Variants in ADAP2 observed in about 807,000 individuals in gnomAD.
ADAP2 encodes arf-GAP with dual PH domain-containing protein 2.
Under a neutral mutation model 54.9 loss-of-function variants are expected in ADAP2, and 42 were observed. That is an observed-to-expected ratio of 0.77 (90% CI 0.60 to 0.99). The LOEUF is 0.99. Ranked by LOEUF, ADAP2 falls within the 50% of genes least tolerant of loss-of-function variation. The pLI, the probability that ADAP2 is intolerant of heterozygous loss-of-function variation, is 0.00. For missense variants in ADAP2, 429 were observed against 480.4 expected (o/e 0.89, Z 1.00); for synonymous variants, 177 against 180.1 (o/e 0.98, Z 0.14).
At position 30,956,470 on chromosome 17, in the gene ADAP2, G is replaced by C; in HGVS notation, c.1111+1G>C. Reference sequence around the variant, plus strand: ...CCCTTGACGCCCCTCAACCGGCTTAGTAAGAAGCAGGAACTGAGGGGTGTT... The same window carrying C: ...CCCTTGACGCCCCTCAACCGGCTTACTAAGAAGCAGGAACTGAGGGGTGTT... On this transcript the variant is annotated splice_donor_variant, in intron 10 of 10. Transcript: ENST00000330889. LOFTEE classifies it high-confidence loss of function. 2 of 1,614,016 alleles carry C rather than the reference G, an allele frequency of 1.2e-6. No homozygotes were observed. The highest frequency in any genetic ancestry group is 1.7e-6 in the Non-Finnish European group (2 of 1,179,920).
At chr17:30,956,555 C>A in intron 10 of ADAP2, 86 bp downstream of exon 10, 2 of 1,179,974 alleles carry the variant, frequency 1.7e-6, no homozygotes, top group South Asian at 1.4e-5. Flanking sequence ...GCTTTGATAC[C>A]ACAAAAGATT....
chr17:30,925,567 CTCTTTTCTTTTCTTT>C (rs747916481), intron 2 of ADAP2, among the ~76,000 whole-genome samples: 8 of 148,028 alleles, frequency 5.4e-5, no homozygotes, highest in African/African-American at 2.0e-4. Flanking sequence ...TCTTCTTCTT[CTCTTTTCTTTTCTTT>C]TCTTTTCTTT....
intron 4 of ADAP2, among the ~76,000 whole-genome samples, chr17:30,932,958 G>T (rs939747615): frequency 6.6e-6 from 1 of 152,232 alleles, no homozygotes; most frequent in Admixed American, 6.5e-5. Flanking sequence ...CTTTATTCCT[G>T]GTGCAGCTCA....
In ADAP2 at chr17:30,932,426, TTA is replaced by T. The variant is rs1389555377; in HGVS notation, c.397+460_397+461del. Reference sequence around the variant, plus strand: ...TTTAGTGGCTTTTATTTTTTTATTTTTATTTTTTGTAGAGATGGGGTTTCACC... The same window carrying T: ...TTTAGTGGCTTTTATTTTTTTATTTTTTTTTTGTAGAGATGGGGTTTCACC... On this transcript the variant is annotated intron_variant, in intron 4 of 10. Coordinates refer to ENST00000330889, the MANE Select transcript of ADAP2 (RefSeq NM_018404.3). Among the ~76,000 whole-genome samples the T allele has an allele frequency of 2.6e-5, 4 of 151,706 alleles. No individual in the cohort carries two copies. The East Asian group carries it at 7.8e-4, about 29-fold the overall frequency.
intron 2 of ADAP2, among the ~76,000 whole-genome samples, chr17:30,926,387 C>A (rs1409150222): frequency 6.6e-6 from 1 of 152,206 alleles, no homozygotes; most frequent in Non-Finnish European, 1.5e-5. Context: ...GTACATTTAT[C>A]TCCTGCAGAC....
intron 5 of ADAP2, among the ~76,000 whole-genome samples, chr17:30,934,606 A>T (rs1911742211): frequency 1.3e-5 from 2 of 152,248 alleles, no homozygotes; most frequent in African/African-American, 4.8e-5. Flanking sequence ...ACATTATTCC[A>T]GGCACTGAGG....
chr17:30,948,892 A>T (rs1402556216), intron 6 of ADAP2, among the ~76,000 whole-genome samples: 1 of 152,152 alleles, frequency 6.6e-6, no homozygotes, highest in Non-Finnish European at 1.5e-5. Flanking sequence ...GCATCATATC[A>T]CCTGAGAGCG....
chr17:30,947,441 C>T (rs773830893), intron 6 of ADAP2, among the ~76,000 whole-genome samples: 1 of 152,134 alleles, frequency 6.6e-6, no homozygotes, highest in Non-Finnish European at 1.5e-5. Context: ...GCAACCTCCA[C>T]CTCCCAGGTT....
rs2232274 is a variant in ADAP2 at position 30,953,262 on chromosome 17, G to A, written c.742-26G>A. The A allele has an allele frequency of 5.7e-3, 9,250 of 1,613,368 alleles. 366 individuals are homozygous for A. The African/African-American group carries it at 0.096, about 17-fold the overall frequency. On this transcript the variant is annotated intron_variant, in intron 7 of 10. Transcript: ENST00000330889. The stretch of plus-strand genomic sequence containing the variant: ...CTGGAGCCTTGGGGTGTGAGTTGGG[G>A]GTCAGTGTCTGTCTCTCTTCCCCAG...
intron 1 of ADAP2, among the ~76,000 whole-genome samples, chr17:30,922,381 G>C (rs1910688398): frequency 6.6e-6 from 1 of 152,168 alleles, no homozygotes; most frequent in Non-Finnish European, 1.5e-5. Flanking sequence ...ACCCGGACAC[G>C]AGAGCCGGCA....
Position 30,957,838 on chromosome 17 carries a change from C to T in ADAP2, c.1115C>T (p.Ala372Val), listed in dbSNP as rs938504017. The change falls in exon 11 of 11, where the codon GCA becomes GTA. Residue 372 changes from alanine to valine, a missense_variant. By Grantham distance (64) the Ala-to-Val change is moderately conservative. Coordinates refer to ENST00000330889, the MANE Select transcript of ADAP2 (RefSeq NM_018404.3). ...SPLTPLNRLT[A>V]STESGRSSR Reference sequence around the variant, plus strand: ...GCCCTCTTCATTTCCCTTGCAGCTGCATCAACAGAGAGTGGCCGCAGCAGC... The same window carrying T: ...GCCCTCTTCATTTCCCTTGCAGCTGTATCAACAGAGAGTGGCCGCAGCAGC... 1.2e-6 allele frequency: 2 copies of T among 1,613,822 alleles called. No individual in the cohort carries two copies. Among genetic ancestry groups the T allele is most frequent in the South Asian group, 2.2e-5 (2 of 90,960 alleles).
intron 5 of ADAP2, among the ~76,000 whole-genome samples, chr17:30,934,529 C>T (rs1218644196): frequency 6.6e-6 from 1 of 152,150 alleles, no homozygotes; most frequent in Non-Finnish European, 1.5e-5. Context: ...CCTTTGATGA[C>T]CACTTGGTTT....
rs529534315 is a variant in ADAP2 at position 30,930,445 on chromosome 17, G to A, written c.318-1444G>A. On this transcript the variant is annotated intron_variant, in intron 3 of 10. Coordinates refer to ENST00000330889, the MANE Select transcript of ADAP2 (RefSeq NM_018404.3). ...TGGGGATCAGACTACCTGAAGGACAGTGGTGGAGCTGGCCTCAGGAAGGAC... is the reference window on the plus strand; with the variant it reads ...TGGGGATCAGACTACCTGAAGGACAATGGTGGAGCTGGCCTCAGGAAGGAC... Among the ~76,000 whole-genome samples, 4 of 152,284 alleles carry A rather than the reference G, an allele frequency of 2.6e-5. No homozygotes were observed. In the East Asian group the frequency reaches 7.7e-4, roughly 29 times the overall value.
At position 30,954,560 on chromosome 17, in the gene ADAP2, G is replaced by A. The variant is rs201617793; in HGVS notation, c.882+5G>A. On this transcript the variant is annotated splice_donor_5th_base_variant and intron_variant, in intron 9 of 10. Coordinates refer to ENST00000330889, the MANE Select transcript of ADAP2 (RefSeq NM_018404.3). Reference sequence around the variant, plus strand: ...CTCTATTACAAGAACCCACTGGTAAGAGCCACTCCTGCTCCCTCCCCAGGG... The same window carrying A: ...CTCTATTACAAGAACCCACTGGTAAAAGCCACTCCTGCTCCCTCCCCAGGG... 55 of 1,613,408 alleles carry A rather than the reference G, an allele frequency of 3.4e-5. No individual in the cohort carries two copies. The highest frequency in any genetic ancestry group is 4.1e-5 in the Non-Finnish European group (48 of 1,179,342).
intron 5 of ADAP2, among the ~76,000 whole-genome samples, chr17:30,938,610 C>A (rs1279558983): frequency 1.3e-5 from 2 of 152,136 alleles, no homozygotes; most frequent in African/African-American, 4.8e-5. Flanking sequence ...AAGTTTTCAG[C>A]AAAGAGAATG....
intron 6 of ADAP2, among the ~76,000 whole-genome samples, chr17:30,945,752 G>A (rs146732192): frequency 1.4e-5 from 2 of 144,820 alleles, no homozygotes; most frequent in Non-Finnish European, 3.0e-5. Flanking sequence ...GCAGGACCCT[G>A]TCTCAAAAAA....
intron 5 of ADAP2, among the ~76,000 whole-genome samples, chr17:30,940,673 T>C (rs561202457): frequency 2.2e-4 from 34 of 152,352 alleles, no homozygotes; most frequent in Admixed American, 1.4e-3. Context: ...GACTGTAAGA[T>C]GATGCATAAT....
intron 10 of ADAP2, chr17:30,956,715 G>T: frequency 1.9e-6 from 1 of 537,300 alleles, no homozygotes; most frequent in Non-Finnish European, 3.3e-6. Context: ...GTTTGGCCCT[G>T]GCAGAACCCC....
At chr17:30,938,879 A>T (rs959617375) in intron 5 of ADAP2, among the ~76,000 whole-genome samples, 1 of 152,158 alleles carries the variant, frequency 6.6e-6, no homozygotes, top group African/African-American at 2.4e-5. Flanking sequence ...CTTAACAAAA[A>T]TACTCTGGTG....
Sources: allele counts gnomAD v4.1 joint callset (sites outside exome capture counted in the v4.1 genomes callset), GRCh38; gene constraint gnomAD v4.1.1; transcripts MANE v1.5; gene names NCBI Gene and HGNC (gene_info 2026-07-23, HGNC 2026-07-21).